Variants in PARD3B observed in about 807,000 individuals in gnomAD.
The protein encoded by PARD3B is par-3 family cell polarity regulator beta.
In PARD3B, 103 loss-of-function variants were observed where a neutral mutation model predicts 130.2. The observed-to-expected ratio is 0.79, with a 90% CI of 0.67 to 0.93. PARD3B has a LOEUF of 0.93. Among genes scored for constraint, PARD3B ranks in the 40% least tolerant of loss-of-function variants. PARD3B has a pLI of 0.00. For synonymous variants in PARD3B, 583 were observed against 553.2 expected, an observed-to-expected ratio of 1.05 and a Z score of -0.76; for missense variants, 1,609 against 1,499.2, an observed-to-expected ratio of 1.07 and a Z score of -1.21.
intron 2 of PARD3B, among the ~76,000 whole-genome samples, chr2:204,762,049 TA>T (rs1002409831): frequency 2.0e-5 from 3 of 151,570 alleles, no homozygotes; most frequent in Non-Finnish European, 4.4e-5. Context: ...ATTTTCTTTT[TA>T]AAAAAAATCA....
rs1001557448 is a variant in PARD3B at position 205,564,690 on chromosome 2, G to A, written c.3260+11287G>A. On this transcript the variant is annotated intron_variant, in intron 22 of 22. Transcript: ENST00000406610. This position sits in a 1 kb window ranked among gnomAD's most constrained non-coding sequence, Gnocchi z 4.6. ...GCTTTGGCAGTCAGTTACTATGGTG[G>A]TGCCACCCGAGCCCATCTGTGCCCT... 2.0e-5 allele frequency among the ~76,000 whole-genome samples: 3 copies of A among 152,184 alleles called. No individual in the cohort carries two copies. Among genetic ancestry groups the A allele is most frequent in the Admixed American group, 6.5e-5 (1 of 15,282 alleles).
chr2:204,711,097 A>T (rs1188095396), intron 2 of PARD3B, among the ~76,000 whole-genome samples: 2 of 152,188 alleles, frequency 1.3e-5, no homozygotes, highest in South Asian at 2.1e-4. Flanking sequence ...AACCAGTTTA[A>T]TGTATTCATA....
chr2:204,566,437 T>A (rs1292042757), intron 1 of PARD3B, among the ~76,000 whole-genome samples: 1 of 152,240 alleles, frequency 6.6e-6, no homozygotes, highest in Non-Finnish European at 1.5e-5. Context: ...GTGTCTCAGT[T>A]ACTGTGTGTT....
intron 22 of PARD3B, among the ~76,000 whole-genome samples, chr2:205,560,118 CCAAA>C (rs976472925): frequency 4.6e-5 from 7 of 152,114 alleles, no homozygotes; most frequent in African/African-American, 1.4e-4. Context: ...GGTTTTTAAC[CCAAA>C]CAGTCTGGCT....
At chr2:205,106,727 C>T (rs1242602898) in intron 5 of PARD3B, among the ~76,000 whole-genome samples, 1 of 152,084 alleles carries the variant, frequency 6.6e-6, no homozygotes, top group Non-Finnish European at 1.5e-5. Context: ...TTTCATGCTA[C>T]CTGACCAAGG....
At chr2:204,765,232 T>G (rs1444776710) in intron 2 of PARD3B, among the ~76,000 whole-genome samples, 5 of 152,190 alleles carry the variant, frequency 3.3e-5, no homozygotes, top group Non-Finnish European at 7.3e-5. Context: ...CAGTATCACC[T>G]GAGAGGTTGT....
intron 11 of PARD3B, among the ~76,000 whole-genome samples, chr2:205,165,229 C>T (rs1359852628): frequency 6.6e-6 from 1 of 151,932 alleles, no homozygotes; most frequent in African/African-American, 2.4e-5. Flanking sequence ...GGAGAAGAAA[C>T]TGGAATGACA....
At chr2:204,846,425 G>T (rs1269157079) in intron 2 of PARD3B, among the ~76,000 whole-genome samples, 1 of 152,010 alleles carries the variant, frequency 6.6e-6, no homozygotes, top group African/African-American at 2.4e-5. Flanking sequence ...ACATAGGCGT[G>T]TACACTGCAG....
intron 2 of PARD3B, among the ~76,000 whole-genome samples, chr2:204,850,804 T>C (rs1032993612): frequency 3.3e-5 from 5 of 152,182 alleles, no homozygotes; most frequent in Admixed American, 3.3e-4. Context: ...AATGTATCTT[T>C]TATGTTTTTG....
At chr2:204,602,245 A>G (rs185408621) in intron 1 of PARD3B, among the ~76,000 whole-genome samples, 4 of 152,180 alleles carry the variant, frequency 2.6e-5, no homozygotes, top group Admixed American at 6.6e-5. Flanking sequence ...CAACAATACA[A>G]GTATCAGATG....
chr2:204,978,951 T>G (rs2125201596), intron 3 of PARD3B, among the ~76,000 whole-genome samples: 2 of 108,064 alleles, frequency 1.9e-5, no homozygotes, highest in Admixed American at 1.2e-4. Context: ...AGAGACAAAA[T>G]GAGACCCTGG....
chr2:205,064,125 A>G (rs747380939), intron 4 of PARD3B, among the ~76,000 whole-genome samples: 2 of 152,214 alleles, frequency 1.3e-5, no homozygotes, highest in Non-Finnish European at 2.9e-5. Flanking sequence ...ATAAGCTAAT[A>G]ACAATTTAAG....
intron 3 of PARD3B, among the ~76,000 whole-genome samples, chr2:205,020,351 A>G (rs1288151001): frequency 2.6e-5 from 4 of 152,136 alleles, no homozygotes; most frequent in Non-Finnish European, 4.4e-5. Context: ...TGTGGTTTCA[A>G]GTATCCCAGT....
chr2:205,039,750 G>T (rs993186675), intron 3 of PARD3B, among the ~76,000 whole-genome samples: 1 of 151,982 alleles, frequency 6.6e-6, no homozygotes, highest in Non-Finnish European at 1.5e-5. Flanking sequence ...GATTACTGGC[G>T]TGAGCCACCA....
intron 21 of PARD3B, among the ~76,000 whole-genome samples, chr2:205,523,954 T>C (rs1298988020): frequency 6.6e-6 from 1 of 152,006 alleles, no homozygotes; most frequent in Non-Finnish European, 1.5e-5. Context: ...GTTTGAAGTT[T>C]GAAGTACGTA....
chr2:205,308,979 A>ACACT (rs2042282379), intron 18 of PARD3B, among the ~76,000 whole-genome samples: 2 of 152,222 alleles, frequency 1.3e-5, no homozygotes, highest in Admixed American at 1.3e-4. Context: ...CACTGCACAC[A>ACACT]GCCCAAGCTA....
intron 15 of PARD3B, among the ~76,000 whole-genome samples, chr2:205,202,166 A>C (rs947314858): frequency 1.3e-5 from 2 of 152,200 alleles, no homozygotes; most frequent in Admixed American, 1.3e-4. Flanking sequence ...GCTACATTTA[A>C]AGTGAATTAT....
intron 4 of PARD3B, among the ~76,000 whole-genome samples, chr2:205,071,170 T>C (rs1700705222): frequency 6.6e-6 from 1 of 152,230 alleles, no homozygotes. Context: ...TCTTTCTTTC[T>C]GATGTCTCAG....
chr2:205,523,120 G>A (rs1050718797), intron 21 of PARD3B, among the ~76,000 whole-genome samples: 4 of 150,944 alleles, frequency 2.6e-5, no homozygotes, highest in African/African-American at 9.7e-5. Context: ...TATCTGTTAT[G>A]ATAACTGGGA....
Sources: gnomAD v4.1 joint callset for allele counts (sites outside exome capture counted in the v4.1 genomes callset) on GRCh38, gnomAD v4.1.1 for gene constraint, Gnocchi (gnomAD v3.1) non-coding constraint, MANE v1.5 for transcripts, NCBI Gene and HGNC (gene_info 2026-07-23, HGNC 2026-07-21) for gene names.